Variants in ADAMTS3 observed in about 807,000 individuals in gnomAD.
The protein encoded by ADAMTS3 is ADAM metallopeptidase with thrombospondin type 1 motif 3.
In ADAMTS3, 73 loss-of-function variants were observed where a neutral mutation model predicts 129.0. The observed-to-expected ratio is 0.57, with a 90% CI of 0.47 to 0.69. The LOEUF (loss-of-function observed/expected upper bound fraction) is 0.69, where lower values mean the gene tolerates loss of function less well. Ranked by LOEUF, ADAMTS3 falls within the 30% of genes least tolerant of loss-of-function variation. The probability of loss-of-function intolerance (pLI) is 0.00; values close to 1 mark genes in which losing one functional copy is unlikely to be tolerated. For missense variants in ADAMTS3, 1,457 were observed against 1,514.5 expected (o/e 0.96, Z 0.63); for synonymous variants, 477 against 510.8 (o/e 0.93, Z 0.89).
chr4:72,469,894 AC>A (rs1719018982), intron 3 of ADAMTS3, among the ~76,000 whole-genome samples: 1 of 152,172 alleles, frequency 6.6e-6, no homozygotes, highest in Non-Finnish European at 1.5e-5. Flanking sequence ...TATACAACAT[AC>A]GAAATAAGTG....
chr4:72,355,964 G>C (rs959306964), intron 4 of ADAMTS3, among the ~76,000 whole-genome samples: 1 of 151,884 alleles, frequency 6.6e-6, no homozygotes, highest in African/African-American at 2.4e-5. Context: ...TGCAGACAGA[G>C]GGACATATAT....
intron 19 of ADAMTS3, among the ~76,000 whole-genome samples, chr4:72,291,896 T>G (rs1437393747): frequency 1.3e-5 from 2 of 152,166 alleles, no homozygotes; most frequent in African/African-American, 4.8e-5. Flanking sequence ...ATTTCTCAAA[T>G]AGGATGTGGC....
At chr4:72,471,791 A>T (rs1363132718) in intron 3 of ADAMTS3, among the ~76,000 whole-genome samples, 2 of 152,128 alleles carry the variant, frequency 1.3e-5, no homozygotes, top group Admixed American at 1.3e-4. Context: ...AAATTAATAA[A>T]TCAATATTTA....
chr4:72,308,905 T>C (rs1383225502), intron 15 of ADAMTS3, among the ~76,000 whole-genome samples: 2 of 151,980 alleles, frequency 1.3e-5, no homozygotes, highest in African/African-American at 2.4e-5. Context: ...TTAAAAATTA[T>C]GTGAAATACA....
At chr4:72,471,673 A>G (rs1490849616) in intron 3 of ADAMTS3, among the ~76,000 whole-genome samples, 1 of 152,094 alleles carries the variant, frequency 6.6e-6, no homozygotes, top group African/African-American at 2.4e-5. Context: ...GGTGAAAATT[A>G]AAAACAATGC....
At chr4:72,329,735 C>T (rs13109911) in intron 5 of ADAMTS3, among the ~76,000 whole-genome samples, 117 of 150,414 alleles carry the variant, frequency 7.8e-4, no homozygotes, top group African/African-American at 2.8e-3. Context: ...TAGTAACATT[C>T]TCAACTTTCT....
chr4:72,544,320 G>A (rs1339685258), intron 3 of ADAMTS3, among the ~76,000 whole-genome samples: 2 of 151,936 alleles, frequency 1.3e-5, no homozygotes, highest in African/African-American at 4.8e-5. Context: ...CAACAGTAAA[G>A]TCTCCCTTTT....
intron 3 of ADAMTS3, among the ~76,000 whole-genome samples, chr4:72,440,365 T>C (rs896384845): frequency 6.6e-6 from 1 of 151,810 alleles, no homozygotes; most frequent in African/African-American, 2.4e-5. Flanking sequence ...TCCCTGCCAC[T>C]AGTTTCTCTA....
intron 4 of ADAMTS3, among the ~76,000 whole-genome samples, chr4:72,381,068 T>C (rs1721276709): frequency 6.6e-6 from 1 of 152,072 alleles, no homozygotes; most frequent in Admixed American, 6.6e-5. Flanking sequence ...ACAAAAAAGT[T>C]CTTCAGGTTT....
At chr4:72,358,080 C>T (rs941115279) in intron 4 of ADAMTS3, among the ~76,000 whole-genome samples, 1 of 151,600 alleles carries the variant, frequency 6.6e-6, no homozygotes, top group Non-Finnish European at 1.5e-5. Flanking sequence ...AATTTACTTC[C>T]TAGGGGGTGG....
intron 4 of ADAMTS3, among the ~76,000 whole-genome samples, chr4:72,407,498 G>T (rs116344548): frequency 1.9e-3 from 284 of 152,238 alleles, no homozygotes; most frequent in African/African-American, 6.6e-3. Context: ...CTGCCAAAGT[G>T]CTGATAAAGA....
chr4:72,426,918 T>C (rs1052638726), intron 3 of ADAMTS3, among the ~76,000 whole-genome samples: 1 of 151,904 alleles, frequency 6.6e-6, no homozygotes, highest in Non-Finnish European at 1.5e-5. Flanking sequence ...AATAAAAAAC[T>C]GAATCAAAGC....
chr4:72,452,908 T>C (rs958923384), intron 3 of ADAMTS3, among the ~76,000 whole-genome samples: 15 of 151,786 alleles, frequency 9.9e-5, no homozygotes, highest in South Asian at 4.1e-4. Context: ...TCGGAGTCTA[T>C]CTCAAAGAAC....
chr4:72,350,206 T>C (rs752251506), intron 4 of ADAMTS3, among the ~76,000 whole-genome samples: 4 of 152,064 alleles, frequency 2.6e-5, no homozygotes, highest in African/African-American at 4.8e-5. Flanking sequence ...GAATAAAATA[T>C]GCCAGAAGAG....
chr4:72,348,662 A>C (rs1720350422), intron 4 of ADAMTS3, among the ~76,000 whole-genome samples: 1 of 152,036 alleles, frequency 6.6e-6, no homozygotes, highest in Non-Finnish European at 1.5e-5. Flanking sequence ...GAGACATTAA[A>C]AGCAGAGAGC....
chr4:72,516,475 A>G (rs1473191516), intron 3 of ADAMTS3, among the ~76,000 whole-genome samples: 2 of 152,128 alleles, frequency 1.3e-5, no homozygotes, highest in Non-Finnish European at 2.9e-5. Flanking sequence ...TGAGCATGGA[A>G]TGTTCTTCCA....
intron 3 of ADAMTS3, among the ~76,000 whole-genome samples, chr4:72,520,769 A>T (rs577202444): frequency 3.9e-5 from 6 of 152,214 alleles, no homozygotes; most frequent in African/African-American, 1.4e-4. Flanking sequence ...CCAGGAAAGG[A>T]AACTCCCTGA....
intron 3 of ADAMTS3, among the ~76,000 whole-genome samples, chr4:72,533,490 G>A (rs1328852649): frequency 1.3e-5 from 2 of 151,538 alleles, no homozygotes; most frequent in African/African-American, 4.9e-5. Flanking sequence ...ATTAAAAAGT[G>A]TAGAACAGTA....
chr4:72,311,133 A>G lies in ADAMTS3; in HGVS notation c.1970T>C (p.Val657Ala). The change falls in exon 14 of 22, where the codon GTT (valine) becomes GCT (alanine). Residue 657 changes from valine (V) to alanine (A), a missense_variant. Physicochemically the swap from Val to Ala is moderately conservative, Grantham distance 64. Coordinates refer to ENST00000286657, the MANE Select transcript of ADAMTS3 (RefSeq NM_014243.3). Reference protein sequence around the residue: ...LYCQSKETGDVAYMKQLVHDG... With the variant: ...LYCQSKETGDAAYMKQLVHDG... ...ATGCACCAGTTGTTTCATGTAAGCA[A>G]CATCTCCAGTCTCCTTGGACTGACA... 1 of 1,612,724 alleles carries G rather than the reference A, an allele frequency of 6.2e-7. No homozygotes were observed.
Sources: gnomAD v4.1 joint callset for allele counts (sites outside exome capture counted in the v4.1 genomes callset) on GRCh38, gnomAD v4.1.1 for gene constraint, MANE v1.5 for transcripts, NCBI Gene and HGNC (gene_info 2026-07-23, HGNC 2026-07-21) for gene names.